Variants in NCF2 observed in about 807,000 individuals in gnomAD.
The protein encoded by NCF2 is neutrophil cytosol factor 2.
A neutral mutation model predicts 70.9 loss-of-function variants in NCF2; 45 were observed. That is an observed-to-expected ratio of 0.63 (90% CI 0.50 to 0.81). The LOEUF (loss-of-function observed/expected upper bound fraction) is 0.81. Among genes scored for constraint, NCF2 ranks in the 40% least tolerant of loss-of-function variants. The pLI is 0.00. For missense variants in NCF2, 522 were observed against 631.6 expected, an observed-to-expected ratio of 0.83 and a Z score of 1.86; for synonymous variants, 203 against 233.6, an observed-to-expected ratio of 0.87 and a Z score of 1.19.
At chr1:183,599,454 CTTT>C in the NCF2 span, among the ~76,000 whole-genome samples, 315 of 88,312 alleles carry the variant, frequency 3.6e-3, 2 homozygotes, top group Non-Finnish European at 4.1e-3. Flanking sequence ...TTCTTTCTTT[CTTT>C]CTTTCTTTCT....
intron 13 of NCF2, among the ~76,000 whole-genome samples, chr1:183,560,743 C>T (rs1394617103): frequency 6.6e-6 from 1 of 152,236 alleles, no homozygotes; most frequent in East Asian, 1.9e-4. Flanking sequence ...TGGCCCGTGG[C>T]CTGGAGGTTG....
intron 4 of NCF2, among the ~76,000 whole-genome samples, chr1:183,573,763 G>A (rs780881727): frequency 6.6e-6 from 1 of 152,196 alleles, no homozygotes; most frequent in Non-Finnish European, 1.5e-5. Context: ...ATGCTTGAAC[G>A]ATAAATAGTT....
At chr1:183,596,783 C>T in the NCF2 span, among the ~76,000 whole-genome samples, 8 of 152,012 alleles carry the variant, frequency 5.3e-5, no homozygotes, top group Non-Finnish European at 1.0e-4. Flanking sequence ...CTCTGCAGAT[C>T]CAAATCCTGT....
rs116571614 is a variant in NCF2, at chr1:183,573,659, G to C, written c.502-367C>G. Reference sequence around the variant, plus strand: ...CTCATGACAGTGCTCCCTTGGATGGGTGTTTGCTGATGAGGATAGACATAT... The same window carrying C: ...CTCATGACAGTGCTCCCTTGGATGGCTGTTTGCTGATGAGGATAGACATAT... On this transcript the variant is annotated intron_variant, in intron 4 of 14. Coordinates refer to ENST00000367535, the MANE Select transcript of NCF2 (RefSeq NM_000433.4). 2.1e-3 allele frequency among the ~76,000 whole-genome samples: 316 copies of C among 152,340 alleles called. 1 individual carries two copies. The highest frequency in any genetic ancestry group is 7.0e-3 in the African/African-American group (291 of 41,584).
chr1:183,587,595 C>CAAAAAAAAAAAAAAAAAAAAAAAAAAA (rs11287969), intron 1 of NCF2, among the ~76,000 whole-genome samples: 1 of 41,856 alleles, frequency 2.4e-5, no homozygotes. Flanking sequence ...CACCCTGTCT[C>CAAAAAAAAAAAAAAAAAAAAAAAAAAA]AAAAAAAAAA....
At chr1:183,597,870 C>A in the NCF2 span, 3 of 152,230 alleles carry the variant, frequency 2.0e-5, no homozygotes, top group African/African-American at 7.2e-5. Flanking sequence ...ATGCCTGTCT[C>A]TTCTCTGGGA....
In NCF2 at chr1:183,563,660, C is replaced by T. The variant is rs550603270; in HGVS notation, c.1027-75G>A. The T allele has an allele frequency of 3.5e-5, 56 of 1,585,002 alleles. No individual in the cohort carries two copies. The African/African-American group carries it at 4.3e-4, about 12-fold the overall frequency. ...TCAACATCCTGGATCACCGCAGTTTCGTGATTTGGCACAGGGGGTACCCAA... is the reference window on the plus strand; with the variant it reads ...TCAACATCCTGGATCACCGCAGTTTTGTGATTTGGCACAGGGGGTACCCAA... On this transcript the variant is annotated intron_variant, in intron 11 of 14. Transcript: ENST00000367535.
At position 183,567,290 on chromosome 1, in the gene NCF2, CTTT is replaced by C; in HGVS notation, c.766_768del (p.Lys256del). 1 of 1,614,210 alleles carries C rather than the reference CTTT, an allele frequency of 6.2e-7. No individual in the cohort carries two copies. Among genetic ancestry groups the C allele is most frequent in the African/African-American group, 1.3e-5 (1 of 75,048 alleles). On this transcript the variant is annotated inframe_deletion, in exon 8 of 15. Coordinates refer to ENST00000367535, the MANE Select transcript of NCF2 (RefSeq NM_000433.4). Reference sequence around the variant, plus strand: ...TTCCCTGGCATGACCTGGAGCTCTTCTTTTGTCTCAGGCACAAACCCAAATAGC... The same window carrying C: ...TTCCCTGGCATGACCTGGAGCTCTTCTGTCTCAGGCACAAACCCAAATAGC...
rs1401812182 is a variant in NCF2, at chr1:183,590,435, A to G, written c.-106T>C. Reference sequence around the variant, plus strand: ...TGCCTTAGTGGCCCCCAAGGTGTTCACTTTCTGGGCCAGATGAGTAGAATG... The same window carrying G: ...TGCCTTAGTGGCCCCCAAGGTGTTCGCTTTCTGGGCCAGATGAGTAGAATG... On this transcript the variant is annotated 5_prime_UTR_variant, in exon 1 of 15. Transcript: ENST00000367535. The G allele has an allele frequency of 7.9e-7, 1 of 1,267,580 alleles. No homozygotes were observed. The highest frequency in any genetic ancestry group is 1.1e-6 in the Non-Finnish European group (1 of 880,454). 78.5% of individuals were successfully genotyped at this position (1,267,580 alleles called of 1,614,324 possible). A position where few individuals can be genotyped will look rare whatever the true frequency, so the allele number is the denominator to read the frequency against.
intron 14 of NCF2, 89 bp downstream of exon 14, chr1:183,560,007 G>A: frequency 7.0e-7 from 1 of 1,420,394 alleles, no homozygotes; most frequent in Non-Finnish European, 9.9e-7. Context: ...AGTTTTGTTT[G>A]TAGATTATTG....
intron 1 of NCF2, among the ~76,000 whole-genome samples, chr1:183,588,390 A>G (rs537644887): frequency 7.2e-4 from 109 of 151,382 alleles, no homozygotes; most frequent in African/African-American, 2.5e-3. Flanking sequence ...CAGGAGAATC[A>G]CTTGAACCCA....
chr1:183,567,557 G>A, intron 7 of NCF2: 1 of 712,428 alleles, frequency 1.4e-6, no homozygotes, highest in Non-Finnish European at 2.5e-6. Flanking sequence ...TATGCAGAGG[G>A]GCAAGAATAA....
chr1:183,558,454 GAC>G (rs2102872311), intron 14 of NCF2, among the ~76,000 whole-genome samples: 1 of 151,766 alleles, frequency 6.6e-6, no homozygotes, highest in African/African-American at 2.4e-5. Context: ...TTGTAGCAGA[GAC>G]AGAGTTTCAC....
At chr1:183,587,134 C>T (rs1263384999) in intron 1 of NCF2, among the ~76,000 whole-genome samples, 157 bp from the exon 2 acceptor site, 1 of 152,184 alleles carries the variant, frequency 6.6e-6, no homozygotes, top group African/African-American at 2.4e-5. Flanking sequence ...CACGGTGCAC[C>T]CCACTTCGCT....
In NCF2 at chr1:183,555,904, C is replaced by T; in HGVS notation, c.*214G>A. 2 of 609,614 alleles carry T rather than the reference C, an allele frequency of 3.3e-6. No homozygotes were observed. The highest frequency in any genetic ancestry group is 2.9e-6 in the Non-Finnish European group (1 of 340,972). The allele number at this position is 609,614 out of a possible 1,614,324, so 37.8% of individuals were successfully genotyped here. A position where few individuals can be genotyped will look rare whatever the true frequency, so the allele number is the denominator to read the frequency against. On this transcript the variant is annotated 3_prime_UTR_variant, in exon 15 of 15. Transcript: ENST00000367535. Reference sequence around the variant, plus strand: ...CCACTTTTCCTCTCCCCTAACTCCTCCATTCACCTGTCCCCATCTCCTCAC... The same window carrying T: ...CCACTTTTCCTCTCCCCTAACTCCTTCATTCACCTGTCCCCATCTCCTCAC...
chr1:183,577,539 T>G, intron 3 of NCF2, 60 bp downstream of exon 3: 2 of 1,342,386 alleles, frequency 1.5e-6, no homozygotes, highest in East Asian at 2.3e-5. Context: ...GCATCTGAAC[T>G]GTCAGCCATC....
upstream of NCF2, among the ~76,000 whole-genome samples, chr1:183,593,506 T>C (rs921495731): frequency 6.6e-6 from 1 of 152,018 alleles, no homozygotes; most frequent in Non-Finnish European, 1.5e-5. Context: ...TCCCAAGAAC[T>C]CCAGCTACAC....
chr1:183,583,554 ACT>A (rs1263104629), intron 2 of NCF2, among the ~76,000 whole-genome samples: 2 of 152,136 alleles, frequency 1.3e-5, no homozygotes, highest in African/African-American at 4.8e-5. Context: ...TTAATCCAAC[ACT>A]CATTTATTGA....
chr1:183,566,030 G>A (rs1022716427), intron 9 of NCF2, among the ~76,000 whole-genome samples: 4 of 152,202 alleles, frequency 2.6e-5, no homozygotes, highest in African/African-American at 9.6e-5. Context: ...CGCCCTTGCC[G>A]CTTTAGCAAC....
Sources: gnomAD v4.1 joint callset for allele counts (sites outside exome capture counted in the v4.1 genomes callset) on GRCh38, gnomAD v4.1.1 for gene constraint, MANE v1.5 for transcripts, NCBI Gene and HGNC (gene_info 2026-07-23, HGNC 2026-07-21) for gene names.